Variants in SPAG16 observed in about 807,000 individuals in gnomAD.
SPAG16 encodes sperm-associated antigen 16 protein.
A neutral mutation model predicts 80.4 loss-of-function variants in SPAG16; 86 were observed. The ratio of observed to expected loss-of-function variants is 1.07; its 90% CI spans 0.90 to 1.28. The LOEUF is 1.28. SPAG16 is among the 50% of genes most tolerant of loss of function. The pLI, the probability that SPAG16 is intolerant of heterozygous loss-of-function variation, is 0.00. For synonymous variants in SPAG16, 294 were observed against 265.9 expected (o/e 1.11, Z -1.03); for missense variants, 870 against 765.3 (o/e 1.14, Z -1.61).
chr2:213,677,363 T>C (rs2064138381), intron 10 of SPAG16, among the ~76,000 whole-genome samples: 1 of 152,158 alleles, frequency 6.6e-6, no homozygotes, highest in South Asian at 2.1e-4. Flanking sequence ...GTGTTGTATT[T>C]GGGAAACCCA....
At chr2:213,891,707 A>G (rs1384442271) in intron 11 of SPAG16, among the ~76,000 whole-genome samples, 1 of 152,286 alleles carries the variant, frequency 6.6e-6, no homozygotes, top group East Asian at 1.9e-4. Context: ...CAGAACTCAA[A>G]TAAGGAAATG....
At chr2:213,294,069 A>G (rs1337851725) in intron 1 of SPAG16, among the ~76,000 whole-genome samples, 1 of 152,154 alleles carries the variant, frequency 6.6e-6, no homozygotes, top group African/African-American at 2.4e-5. Context: ...ACGTTGATGA[A>G]CATCCCCCCA....
intron 10 of SPAG16, among the ~76,000 whole-genome samples, chr2:213,710,104 C>T (rs1390337187): frequency 2.6e-5 from 4 of 151,886 alleles, no homozygotes; most frequent in Non-Finnish European, 4.4e-5. Context: ...CATGGTGAAA[C>T]CTCGTCTCTA....
At chr2:214,139,884 G>A (rs2055260551) in intron 14 of SPAG16, among the ~76,000 whole-genome samples, 1 of 152,098 alleles carries the variant, frequency 6.6e-6, no homozygotes, top group Non-Finnish European at 1.5e-5. Context: ...TGTTTTTACT[G>A]AGTCCAACTA....
At chr2:214,366,388 G>A (rs1699483023) in intron 15 of SPAG16, among the ~76,000 whole-genome samples, 1 of 152,202 alleles carries the variant, frequency 6.6e-6, no homozygotes, top group Non-Finnish European at 1.5e-5. Flanking sequence ...CCACTATGGA[G>A]GAGAGTTTTG....
chr2:214,349,339 T>G (rs1698258791), intron 15 of SPAG16, among the ~76,000 whole-genome samples: 1 of 152,216 alleles, frequency 6.6e-6, no homozygotes, highest in Non-Finnish European at 1.5e-5. Context: ...TTCATATAAA[T>G]GCAGTCATAC....
intron 13 of SPAG16, among the ~76,000 whole-genome samples, chr2:214,103,410 G>T (rs1433342380): frequency 6.6e-6 from 1 of 152,144 alleles, no homozygotes; most frequent in Admixed American, 6.6e-5. Context: ...CCTCTAGTCT[G>T]GCTGTGTGCC....
intron 10 of SPAG16, among the ~76,000 whole-genome samples, chr2:213,645,948 C>T (rs2062806514): frequency 6.6e-6 from 1 of 152,198 alleles, no homozygotes; most frequent in Admixed American, 6.5e-5. Flanking sequence ...CCAGGATTCT[C>T]CTCAGGCTGG....
chr2:214,205,917 C>T (rs548212402), intron 15 of SPAG16, among the ~76,000 whole-genome samples: 3 of 152,080 alleles, frequency 2.0e-5, no homozygotes, highest in East Asian at 3.9e-4. Context: ...GATAACTGGC[C>T]GGGCGCAGTG....
intron 12 of SPAG16, among the ~76,000 whole-genome samples, chr2:213,946,588 TCC>T (rs1042673862): frequency 1.3e-4 from 20 of 152,208 alleles, no homozygotes; most frequent in Non-Finnish European, 2.4e-4. Flanking sequence ...ACCCAAATTT[TCC>T]CGGTGATAAT....
chr2:213,717,729 T>C (rs973591227), intron 10 of SPAG16, among the ~76,000 whole-genome samples: 1 of 152,154 alleles, frequency 6.6e-6, no homozygotes, highest in Non-Finnish European at 1.5e-5. Context: ...ATATGTAGTA[T>C]TATCCCTAAA....
At chr2:214,323,709 CACTAA>C (rs2125998121) in intron 15 of SPAG16, among the ~76,000 whole-genome samples, 1 of 152,302 alleles carries the variant, frequency 6.6e-6, no homozygotes, top group African/African-American at 2.4e-5. Context: ...AATTGAATTA[CACTAA>C]ACTAATAAAC....
chr2:213,383,056 G>T (rs2067253811), intron 9 of SPAG16, among the ~76,000 whole-genome samples: 1 of 151,994 alleles, frequency 6.6e-6, no homozygotes, highest in African/African-American at 2.4e-5. Context: ...ATATGTTCCA[G>T]ATCTTTACAT....
rs532173248 is a variant in SPAG16, at chr2:213,862,157, G to A, written c.1071-328G>A. ...ATATCCCAACATAAAAATACCATTG[G>A]CATAATTTTTCTTCCCTTAAAGAAA... On this transcript the variant is annotated intron_variant, in intron 10 of 15. Coordinates refer to ENST00000331683, the MANE Select transcript of SPAG16 (RefSeq NM_024532.5). 6.6e-5 allele frequency among the ~76,000 whole-genome samples: 10 copies of A among 152,178 alleles called. No individual in the cohort carries two copies. In the South Asian group the frequency reaches 1.5e-3, roughly 22 times the overall value.
intron 9 of SPAG16, among the ~76,000 whole-genome samples, chr2:213,447,492 A>G (rs915666367): frequency 5.9e-5 from 9 of 152,134 alleles, no homozygotes; most frequent in Non-Finnish European, 1.3e-4. Flanking sequence ...TTTGATGCCT[A>G]TCCTCCTTTA....
intron 6 of SPAG16, among the ~76,000 whole-genome samples, chr2:213,344,001 CTG>C (rs1419185397): frequency 2.0e-5 from 3 of 152,112 alleles, no homozygotes; most frequent in Non-Finnish European, 4.4e-5. Context: ...CTCAGGAAGA[CTG>C]GAGTTGATCA....
At chr2:213,605,031 T>C (rs909871942) in intron 10 of SPAG16, among the ~76,000 whole-genome samples, 2 of 151,248 alleles carry the variant, frequency 1.3e-5, no homozygotes, top group Non-Finnish European at 3.0e-5. Flanking sequence ...TCTTTTCCTT[T>C]CTCTCTGTGT....
chr2:213,499,328 A>C (rs1435207777), intron 10 of SPAG16, among the ~76,000 whole-genome samples: 1 of 152,198 alleles, frequency 6.6e-6, no homozygotes, highest in Non-Finnish European at 1.5e-5. Context: ...ACAGGGGTGC[A>C]TAGAACAGAT....
chr2:213,917,096 G>A (rs143056328), intron 11 of SPAG16, among the ~76,000 whole-genome samples: 1 of 152,158 alleles, frequency 6.6e-6, no homozygotes, highest in African/African-American at 2.4e-5. Flanking sequence ...GAACATGTGT[G>A]GCATTATTTC....
Sources: gnomAD v4.1 joint callset for allele counts (sites outside exome capture counted in the v4.1 genomes callset) on GRCh38, gnomAD v4.1.1 for gene constraint, MANE v1.5 for transcripts, NCBI Gene and HGNC (gene_info 2026-07-23, HGNC 2026-07-21) for gene names.